Variants in F11R observed in about 807,000 individuals in gnomAD.
F11R encodes the protein F11 receptor, also known as junctional adhesion molecule A.
F11R carries 27 observed loss-of-function variants against 39.3 expected under a neutral mutation model. That is an observed-to-expected ratio of 0.69 (90% CI 0.51 to 0.95). The LOEUF (loss-of-function observed/expected upper bound fraction) is 0.95. F11R is among the 40% of genes least tolerant of loss of function. F11R has a pLI of 0.00. For synonymous variants in F11R, 131 were observed against 144.9 expected, an observed-to-expected ratio of 0.90 and a Z score of 0.69; for missense variants, 335 against 372.7, an observed-to-expected ratio of 0.90 and a Z score of 0.83.
rs1373813226 is a variant in F11R, at chr1:161,021,039, AAC to A, written c.33_34del (p.Leu12ValfsTer23). On this transcript the variant is annotated frameshift_variant, in exon 1 of 10. Transcript: ENST00000368026. LOFTEE classifies it high-confidence loss of function. ...CAGGATCGCCAATATGAAGAGGCAC[AAC>A]AGTTTCCTCTCGACTTGCGCCTTTG... 1 of 1,613,982 alleles carries A rather than the reference AAC, an allele frequency of 6.2e-7. No homozygotes were observed. Among genetic ancestry groups the A allele is most frequent in the African/African-American group, 1.3e-5 (1 of 75,042 alleles).
intron 1 of F11R, among the ~76,000 whole-genome samples, chr1:161,006,998 T>C (rs1648857134): frequency 6.6e-6 from 1 of 151,884 alleles, no homozygotes; most frequent in Admixed American, 6.6e-5. Flanking sequence ...AATCCGTCTC[T>C]ACTAAAAAAT....
intron 1 of F11R, among the ~76,000 whole-genome samples, chr1:161,004,101 TGTC>T (rs1486228427): frequency 2.6e-5 from 4 of 152,076 alleles, no homozygotes; most frequent in African/African-American, 9.7e-5. Flanking sequence ...TTCACCATGT[TGTC>T]CAGGCTGGAA....
chr1:161,002,952 ATTTGT>A (rs1490291443), intron 1 of F11R, among the ~76,000 whole-genome samples: 1 of 131,522 alleles, frequency 7.6e-6, no homozygotes, highest in East Asian at 2.3e-4. Flanking sequence ...CTCTCTATTT[ATTTGT>A]TTTTTTTTTT....
At chr1:161,004,989 C>T (rs1648720245) in intron 1 of F11R, among the ~76,000 whole-genome samples, 1 of 151,242 alleles carries the variant, frequency 6.6e-6, no homozygotes, top group Admixed American at 6.6e-5. Flanking sequence ...GGCGAAATCT[C>T]GTCTCTAGTA....
At chr1:161,002,274 A>AAAAAAAAAAAAAAAC (rs1648538831) in intron 1 of F11R, among the ~76,000 whole-genome samples, 1 of 151,826 alleles carries the variant, frequency 6.6e-6, no homozygotes. Flanking sequence ...AAAAAAAAAA[A>AAAAAAAAAAAAAAAC]AAAAAAAAAC....
At chr1:161,015,889 GA>G (rs1401012115) in intron 1 of F11R, among the ~76,000 whole-genome samples, 2 of 151,960 alleles carry the variant, frequency 1.3e-5, no homozygotes, top group African/African-American at 4.8e-5. Flanking sequence ...CCACCCCTTT[GA>G]TATCATTTTA....
Position 161,021,012 on chromosome 1 carries a change from A to C in F11R, c.62T>G (p.Leu21Trp), listed in dbSNP as rs776434147. Reference protein sequence around the residue: ...LLCLFILAILLCSLALGSVTV... With the variant: ...LLCLFILAILWCSLALGSVTV... The stretch of plus-strand genomic sequence containing the variant: ...CTCCCGAAACTCTGGGAACTTACAC[A>C]ACAGGATCGCCAATATGAAGAGGCA... The change falls in exon 1 of 10, where the codon TTG (leucine) becomes TGG (tryptophan). Residue 21 changes from leucine to tryptophan, a missense_variant and splice_region_variant. Coordinates refer to ENST00000368026, the MANE Select transcript of F11R (RefSeq NM_016946.6). 4 of 1,614,122 alleles carry C rather than the reference A, an allele frequency of 2.5e-6. No individual in the cohort carries two copies. The South Asian group carries it at 4.4e-5, about 18-fold the overall frequency.
chr1:161,014,307 A>C (rs1044743485), intron 1 of F11R, among the ~76,000 whole-genome samples: 1 of 152,190 alleles, frequency 6.6e-6, no homozygotes, highest in Admixed American at 6.5e-5. Flanking sequence ...GTGTGGTGGA[A>C]ACGTGTGTTG....
chr1:161,010,619 T>C (rs181494648), intron 1 of F11R, among the ~76,000 whole-genome samples: 1 of 152,242 alleles, frequency 6.6e-6, no homozygotes, highest in Admixed American at 6.5e-5. Flanking sequence ...TGATCTCTTA[T>C]ACCTTTCCTC....
At position 161,001,136 on chromosome 1, in the gene F11R, A is replaced by G; in HGVS notation, c.134-9T>C. 1.2e-6 allele frequency: 2 copies of G among 1,613,514 alleles called. No individual in the cohort carries two copies. Among genetic ancestry groups the G allele is most frequent in the African/African-American group, 2.7e-5 (2 of 75,042 alleles). On this transcript the variant is annotated splice_polypyrimidine_tract_variant and intron_variant, in intron 2 of 9. Transcript: ENST00000368026. ...ACAGGACAACTTCACAGCTGCAGAC[A>G]GGGTCAAAATGAGCCGAAGGAAGAA...
chr1:160,999,119 C>A lies in F11R; in HGVS notation c.816-28G>T, dbSNP rs777362378. On this transcript the variant is annotated intron_variant, in intron 8 of 9. Transcript: ENST00000368026. The stretch of plus-strand genomic sequence containing the variant: ...GTGAACAAGCCAGAAGACAGAGACA[C>A]TCAGCCACCTAGGTGCTTATTAACC... The A allele has an allele frequency of 9.3e-6, 15 of 1,613,976 alleles. No individual in the cohort carries two copies. The Admixed American group carries it at 1.7e-4, about 18-fold the overall frequency.
rs1167038490 is a variant in F11R, at chr1:160,998,647, A to C, written c.*224T>G. 1 of 602,716 alleles carries C rather than the reference A, an allele frequency of 1.7e-6. No individual in the cohort carries two copies. The highest frequency in any genetic ancestry group is 1.9e-5 in the African/African-American group (1 of 54,002). 37.3% of individuals were successfully genotyped at this position (602,716 alleles called of 1,614,324 possible). A position where few individuals can be genotyped will look rare whatever the true frequency, so the allele number is the denominator to read the frequency against. ...CAAAGAAATGGGGAATAAACACTTT[A>C]AACAAGTTCCAGGCCACTCAGCAGT... On this transcript the variant is annotated 3_prime_UTR_variant, in exon 10 of 10. Coordinates refer to ENST00000368026, the MANE Select transcript of F11R (RefSeq NM_016946.6).
intron 1 of F11R, among the ~76,000 whole-genome samples, chr1:161,014,089 T>C (rs983254862): frequency 6.6e-6 from 1 of 152,228 alleles, no homozygotes; most frequent in African/African-American, 2.4e-5. Flanking sequence ...TGTTCACTCA[T>C]ACTGCTTTCC....
chr1:161,014,971 G>A (rs1455572370), intron 1 of F11R, among the ~76,000 whole-genome samples: 2 of 151,186 alleles, frequency 1.3e-5, no homozygotes, highest in Non-Finnish European at 2.9e-5. Context: ...CCAGCTACTT[G>A]GGAGGCTGAG....
chr1:161,000,575 G>A (rs946116328), intron 4 of F11R, 56 bp downstream of exon 4: 1 of 1,606,986 alleles, frequency 6.2e-7, no homozygotes, highest in Non-Finnish European at 8.5e-7. Context: ...GTGCAGCAGA[G>A]CCTGCTATGA....
In F11R at chr1:161,000,840, A is replaced by G. The variant is rs978864565; in HGVS notation, c.242-63T>C. ...CTGGAGAGCTAAGGGAGGCTGATGA[A>G]GGGGGCATCCAAGGTACGCAAGTGC... On this transcript the variant is annotated intron_variant, in intron 3 of 9. Coordinates refer to ENST00000368026, the MANE Select transcript of F11R (RefSeq NM_016946.6). 8.1e-6 allele frequency: 13 copies of G among 1,599,350 alleles called. No individual in the cohort carries two copies. In the East Asian group the frequency reaches 2.7e-4, roughly 33 times the overall value.
At chr1:160,999,161 A>G in intron 8 of F11R, 70 bp from the exon 9 acceptor site, 1 of 1,602,512 alleles carries the variant, frequency 6.2e-7, no homozygotes, top group Non-Finnish European at 8.5e-7. Context: ...TGCCAACTTT[A>G]AAGGCCAGAA....
Position 160,996,529 on chromosome 1 carries a change from AG to A in F11R, c.*2341del, listed in dbSNP as rs1218675691. 6.6e-6 allele frequency: 1 copy of A among 152,242 alleles called. No individual in the cohort carries two copies. The highest frequency in any genetic ancestry group is 1.5e-5 in the Non-Finnish European group (1 of 68,072). The allele number at this position is 152,242 out of a possible 1,614,324, so 9.4% of individuals were successfully genotyped here. A position where few individuals can be genotyped will look rare whatever the true frequency, so the allele number is the denominator to read the frequency against. On this transcript the variant is annotated 3_prime_UTR_variant, in exon 10 of 10. Transcript: ENST00000368026. ...ACATCTGTAATCCCATCACTTTGGG[AG>A]GCCAAGGCAGGCGGATCAAGAGGTC...
Position 160,999,737 on chromosome 1 carries a change from A to G in F11R, c.705T>C (p.Asn235=), listed in dbSNP as rs746699095. 1.9e-6 allele frequency: 3 copies of G among 1,614,130 alleles called. No individual in the cohort carries two copies. In the South Asian group the frequency reaches 3.3e-5, roughly 18 times the overall value. The change falls in exon 7 of 10, where the codon AAT becomes AAC. Residue 235 remains asparagine, a synonymous_variant. Transcript: ENST00000368026. ...NAVRMEAVER[N]VGVIVAAVLV... ...GGACGGCTGCCACGATGACCCCCAC[A>G]TTCCGCTCCACTGCGAGACACAAAT...
Sources: gnomAD v4.1 joint callset for allele counts (sites outside exome capture counted in the v4.1 genomes callset) on GRCh38, gnomAD v4.1.1 for gene constraint, MANE v1.5 for transcripts, NCBI Gene and HGNC (gene_info 2026-07-23, HGNC 2026-07-21) for gene names.